The following ABHD2 variants were observed in gnomAD, a reference collection of about 807,000 sequenced individuals.
ABHD2 encodes the protein abhydrolase domain containing 2, acylglycerol lipase, also known as monoacylglycerol lipase ABHD2.
ABHD2 carries 20 observed loss-of-function variants against 48.1 expected under a neutral mutation model. The observed-to-expected ratio is 0.42, with a 90% confidence interval of 0.29 to 0.60. The LOEUF (loss-of-function observed/expected upper bound fraction) is 0.60, where lower values mean the gene tolerates loss of function less well. ABHD2 is among the 20% of genes least tolerant of loss of function. ABHD2 has a pLI of 0.24. For missense variants in ABHD2, 405 were observed against 550.9 expected, an observed-to-expected ratio of 0.74 and a Z score of 2.65; for synonymous variants, 209 against 214.2, an observed-to-expected ratio of 0.98 and a Z score of 0.21.
rs2050833374 is a variant in ABHD2, at chr15:89,166,014, C to T, written c.539-9798C>T. On this transcript the variant is annotated intron_variant, in intron 5 of 10. Coordinates refer to ENST00000352732, the MANE Select transcript of ABHD2 (RefSeq NM_152924.5). This position sits in a 1 kb window ranked among gnomAD's most constrained non-coding sequence, Gnocchi z 4.6. ...GAAAACCAGAATTTTCCAGCTTGTGCTTATTCTGGCCTCCATATCATACCT... is the reference window on the plus strand; with the variant it reads ...GAAAACCAGAATTTTCCAGCTTGTGTTTATTCTGGCCTCCATATCATACCT... Among the ~76,000 whole-genome samples, 2 of 152,208 alleles carry T rather than the reference C, an allele frequency of 1.3e-5. No homozygotes were observed. Among genetic ancestry groups the T allele is most frequent in the African/African-American group, 4.8e-5 (2 of 41,440 alleles).
intron 2 of ABHD2, 106 bp downstream of exon 2, chr15:89,113,930 A>C (rs1268594102): frequency 6.6e-6 from 1 of 152,212 alleles, no homozygotes; most frequent in African/African-American, 2.4e-5. Context: ...CAACAAGTCC[A>C]CCCCAAACCA....
intron 5 of ABHD2, among the ~76,000 whole-genome samples, chr15:89,161,599 C>T (rs1485077991): frequency 6.6e-6 from 1 of 152,158 alleles, no homozygotes; most frequent in African/African-American, 2.4e-5. Flanking sequence ...CAGGGTTTCA[C>T]CATGTTGGCC....
intron 2 of ABHD2, among the ~76,000 whole-genome samples, chr15:89,115,719 C>A (rs879801791): frequency 6.6e-6 from 1 of 152,122 alleles, no homozygotes. Flanking sequence ...CACTGGGGAG[C>A]CTGTGGGGAG....
the ABHD2 span, among the ~76,000 whole-genome samples, chr15:89,041,635 A>T: frequency 6.6e-5 from 10 of 152,202 alleles, no homozygotes; most frequent in African/African-American, 2.4e-4. Flanking sequence ...ATCTGGGTAG[A>T]TGTCCTAGGA....
chr15:89,074,032 C>T, the ABHD2 span, among the ~76,000 whole-genome samples: 33 of 152,266 alleles, frequency 2.2e-4, no homozygotes, highest in African/African-American at 6.7e-4. Context: ...TCCCAGCAAG[C>T]GGGTCACCTC....
intron 5 of ABHD2, among the ~76,000 whole-genome samples, chr15:89,170,080 CTTTTTTTTTTTTTTTTT>C (rs748983183): frequency 2.7e-4 from 10 of 37,504 alleles, no homozygotes; most frequent in South Asian, 1.6e-3. Flanking sequence ...AGATCAGATT[CTTTTTTTTTTTTTTTTT>C]TTTTTTTTTT....
chr15:89,107,054 T>A (rs1052306382), intron 1 of ABHD2, among the ~76,000 whole-genome samples: 13 of 152,076 alleles, frequency 8.5e-5, no homozygotes, highest in Admixed American at 8.5e-4. Context: ...CATTACAGTT[T>A]GCTGGGAGAT....
chr15:89,057,174 A>G, the ABHD2 span, among the ~76,000 whole-genome samples: 1 of 152,128 alleles, frequency 6.6e-6, no homozygotes, highest in Non-Finnish European at 1.5e-5. Context: ...TCAGCCTCCC[A>G]AAGTGCTGGG....
chr15:89,077,843 A>G, the ABHD2 span, among the ~76,000 whole-genome samples: 4 of 152,120 alleles, frequency 2.6e-5, no homozygotes, highest in South Asian at 2.1e-4. Context: ...AAACTTGTCT[A>G]TGCCTATGAC....
rs1555433648 is a variant in ABHD2, at chr15:89,183,384, A to AATATATATATAT, written c.723-2019_723-2008dup. The AATATATATATAT allele has an allele frequency of 5.2e-3, 240 of 46,154 alleles. 1 individual carries two copies. The highest frequency in any genetic ancestry group is 6.8e-3 in the African/African-American group (97 of 14,354). 2.9% of individuals were successfully genotyped at this position (46,154 alleles called of 1,614,324 possible). A position where few individuals can be genotyped will look rare whatever the true frequency, so the allele number is the denominator to read the frequency against. On this transcript the variant is annotated intron_variant, in intron 6 of 10. Coordinates refer to ENST00000352732, the MANE Select transcript of ABHD2 (RefSeq NM_152924.5). The stretch of plus-strand genomic sequence containing the variant: ...AGTCCTTTTCAAAAAAAAAAAAAAA[A>AATATATATATAT]ATATATATATATATATATATATATA...
chr15:89,136,768 C>T (rs957648820), intron 3 of ABHD2, among the ~76,000 whole-genome samples: 1 of 152,220 alleles, frequency 6.6e-6, no homozygotes, highest in African/African-American at 2.4e-5. Context: ...GGAATAGTGG[C>T]AAATATAATG....
the ABHD2 span, among the ~76,000 whole-genome samples, chr15:89,062,327 G>A: frequency 6.6e-6 from 1 of 151,856 alleles, no homozygotes. Context: ...AAGACTGGAG[G>A]AAGTTATGGA....
the ABHD2 span, among the ~76,000 whole-genome samples, chr15:89,055,754 C>T: frequency 6.6e-6 from 1 of 152,092 alleles, no homozygotes. Context: ...AAATATTGAA[C>T]TGCTATTAAG....
intron 3 of ABHD2, among the ~76,000 whole-genome samples, chr15:89,128,748 C>T (rs2050174269): frequency 1.3e-5 from 2 of 152,086 alleles, no homozygotes; most frequent in Non-Finnish European, 2.9e-5. Flanking sequence ...ATCTGGTGAG[C>T]TGAGAGCTGT....
At chr15:89,056,128 C>T in the ABHD2 span, among the ~76,000 whole-genome samples, 13 of 152,218 alleles carry the variant, frequency 8.5e-5, no homozygotes, top group Non-Finnish European at 1.8e-4. Context: ...GCTGGGATTA[C>T]AGATGTGAGC....
rs897380635 is a variant in ABHD2 at position 89,102,806 on chromosome 15, C to G, written c.-106-10919C>G. ...CAGTGTAGAGTATTTTTTAGGTGGA[C>G]TAGGAGCAAATGCCTGCCTGATACA... On this transcript the variant is annotated intron_variant, in intron 1 of 10. Transcript: ENST00000352732. This position sits in a 1 kb window ranked among gnomAD's most constrained non-coding sequence, Gnocchi z 4.8. Among the ~76,000 whole-genome samples the G allele has an allele frequency of 6.6e-6, 1 of 152,176 alleles. No individual in the cohort carries two copies. The highest frequency in any genetic ancestry group is 2.4e-5 in the African/African-American group (1 of 41,442).
chr15:89,123,049 A>C (rs2050077012), intron 3 of ABHD2, among the ~76,000 whole-genome samples: 1 of 152,204 alleles, frequency 6.6e-6, no homozygotes, highest in African/African-American at 2.4e-5. Flanking sequence ...TTCTGCAACC[A>C]GCTGCCACCT....
the ABHD2 span, among the ~76,000 whole-genome samples, chr15:89,048,721 G>T: frequency 6.6e-6 from 1 of 151,850 alleles, no homozygotes; most frequent in African/African-American, 2.4e-5. Flanking sequence ...TCTTCACGTA[G>T]TTCTCGAGCC....
intron 5 of ABHD2, among the ~76,000 whole-genome samples, chr15:89,160,548 T>A (rs2050746935): frequency 6.6e-6 from 1 of 152,066 alleles, no homozygotes; most frequent in African/African-American, 2.4e-5. Flanking sequence ...CAGTTCCATG[T>A]TGAGTTTTTG....
Sources: allele counts gnomAD v4.1 joint callset (sites outside exome capture counted in the v4.1 genomes callset), GRCh38; gene constraint gnomAD v4.1.1; non-coding constraint Gnocchi (gnomAD v3.1); transcripts MANE v1.5; gene names NCBI Gene and HGNC (gene_info 2026-07-23, HGNC 2026-07-21).